The following SLX9 variants were observed in gnomAD, a reference collection of about 807,000 sequenced individuals.
SLX9 encodes SLX9 ribosome biogenesis factor.
In SLX9, 19 loss-of-function variants were observed where a neutral mutation model predicts 20.8. The ratio of observed to expected loss-of-function variants is 0.91; its 90% CI spans 0.64 to 1.34. The LOEUF (loss-of-function observed/expected upper bound fraction) is 1.34. SLX9 is among the 40% of genes most tolerant of loss of function. The pLI is 0.00. For missense variants in SLX9, 299 were observed against 322.2 expected (o/e 0.93, Z 0.55); for synonymous variants, 113 against 137.1 (o/e 0.82, Z 1.23).
Position 44,966,952 on chromosome 21 carries a change from G to A in SLX9, c.353-82G>A, listed in dbSNP as rs2085046786. On this transcript the variant is annotated intron_variant, in intron 3 of 5. Coordinates refer to ENST00000291634, the MANE Select transcript of SLX9 (RefSeq NM_058190.4). ...GGCAGCAGGGCCGGGCACCCTGCCA[G>A]GTCTCTCGTGGGCCAGAGGCTCTGG... 2.0e-6 allele frequency: 3 copies of A among 1,534,430 alleles called. No individual in the cohort carries two copies. The African/African-American group carries it at 4.1e-5, about 21-fold the overall frequency.
intron 4 of SLX9, among the ~76,000 whole-genome samples, chr21:44,968,446 G>C (rs1229711004): frequency 6.6e-6 from 1 of 152,250 alleles, no homozygotes; most frequent in Non-Finnish European, 1.5e-5. Flanking sequence ...GGAGGGCAGC[G>C]GCTGCATGAC....
At chr21:44,957,457 C>T (rs1359708598) in intron 2 of SLX9, among the ~76,000 whole-genome samples, 1 of 152,256 alleles carries the variant, frequency 6.6e-6, no homozygotes, top group Non-Finnish European at 1.5e-5. Flanking sequence ...CCTCATCCTC[C>T]TCCTCTTCAT....
chr21:44,949,992 G>A (rs757019130), intron 2 of SLX9, among the ~76,000 whole-genome samples: 11 of 152,200 alleles, frequency 7.2e-5, no homozygotes, highest in East Asian at 1.9e-4. Flanking sequence ...GGACAGTCCC[G>A]GGATAGAGAC....
At chr21:44,969,213 C>T (rs1294543727) in intron 4 of SLX9, 1 of 469,984 alleles carries the variant, frequency 2.1e-6, no homozygotes, top group Non-Finnish European at 4.4e-6. Flanking sequence ...CCAGGCAGCT[C>T]CAGGCTGGCA....
rs11539073 is a variant in SLX9 at position 44,940,074 on chromosome 21, G to A, written c.17G>A (p.Gly6Glu). MGKVRGLRARVHQAAV... is the reference protein window; with the variant it reads MGKVRELRARVHQAAV... Reference sequence around the variant, plus strand: ...GCCGGGAAGATGGGGAAAGTGAGGGGGTTGCGCGCCCGAGTGCACCAGGCT... The same window carrying A: ...GCCGGGAAGATGGGGAAAGTGAGGGAGTTGCGCGCCCGAGTGCACCAGGCT... The change falls in exon 1 of 6, where the codon GGG becomes GAG. Residue 6 changes from glycine to glutamate, a missense_variant. Gly to Glu is a moderately conservative substitution (Grantham distance 98). Coordinates refer to ENST00000291634, the MANE Select transcript of SLX9 (RefSeq NM_058190.4). The A allele has an allele frequency of 1.4e-6, 2 of 1,461,748 alleles. No homozygotes were observed. The highest frequency in any genetic ancestry group is 1.8e-6 in the Non-Finnish European group (2 of 1,106,068). 90.5% of individuals were successfully genotyped at this position (1,461,748 alleles called of 1,614,324 possible).
At chr21:44,962,428 A>G (rs992986219) in intron 3 of SLX9, among the ~76,000 whole-genome samples, 2 of 152,186 alleles carry the variant, frequency 1.3e-5, no homozygotes, top group Non-Finnish European at 1.5e-5. Context: ...ATCATGTAGG[A>G]TGCACTCTTT....
At chr21:44,962,297 C>T (rs80247880) in intron 3 of SLX9, among the ~76,000 whole-genome samples, 4,711 of 152,234 alleles carry the variant, frequency 0.031, 244 homozygotes, top group African/African-American at 0.11. Context: ...CACCATTCCC[C>T]GACAGTCACG....
intron 2 of SLX9, chr21:44,959,117 T>C: frequency 1.4e-6 from 1 of 711,538 alleles, no homozygotes; most frequent in Non-Finnish European, 1.7e-6. Flanking sequence ...GCGGGAGCCC[T>C]GGGCCTTGGA....
In SLX9 at chr21:44,976,680, C is replaced by T. The variant is rs1262255013; in HGVS notation, c.570C>T (p.Leu190=). The change falls in exon 6 of 6, where the codon CTC becomes CTT. Residue 190 remains leucine, a splice_region_variant and synonymous_variant. Transcript: ENST00000291634. ...RMSAAQRQQL[L]EEERTRFQEL... ...TGATCTGTGGTCTCCATTCTTTCAG[C>T]GAGGAAGAAAGGACCCGGTTTCAGG... is the stretch of plus-strand genomic sequence containing the variant. The T allele has an allele frequency of 3.8e-6, 6 of 1,581,246 alleles. No individual in the cohort carries two copies. Among genetic ancestry groups the T allele is most frequent in the African/African-American group, 1.3e-5 (1 of 74,434 alleles).
At chr21:44,956,134 G>A (rs1183291700) in intron 2 of SLX9, among the ~76,000 whole-genome samples, 1 of 152,214 alleles carries the variant, frequency 6.6e-6, no homozygotes, top group Admixed American at 6.5e-5. Context: ...CTGTTGATTG[G>A]TTTGAAAAAG....
At chr21:44,946,921 C>T (rs2084653670) in intron 2 of SLX9, among the ~76,000 whole-genome samples, 1 of 152,216 alleles carries the variant, frequency 6.6e-6, no homozygotes, top group South Asian at 2.1e-4. Flanking sequence ...TGGCAGGGCC[C>T]ACAGACCCTC....
At chr21:44,966,972 C>T in intron 3 of SLX9, 62 bp from the exon 4 acceptor site, 1 of 1,553,450 alleles carries the variant, frequency 6.4e-7, no homozygotes. Context: ...GGGCCAGAGG[C>T]TCTGGGCCTG....
chr21:44,976,664 G>A lies in SLX9; in HGVS notation c.570-16G>A, dbSNP rs747259362. On this transcript the variant is annotated splice_polypyrimidine_tract_variant and intron_variant, in intron 5 of 5. Coordinates refer to ENST00000291634, the MANE Select transcript of SLX9 (RefSeq NM_058190.4). ...GGGGGTTCCTGCCTGCTGATCTGTGGTCTCCATTCTTTCAGCGAGGAAGAA... is the reference window on the plus strand; with the variant it reads ...GGGGGTTCCTGCCTGCTGATCTGTGATCTCCATTCTTTCAGCGAGGAAGAA... 3 of 1,578,016 alleles carry A rather than the reference G, an allele frequency of 1.9e-6. No homozygotes were observed. Among genetic ancestry groups the A allele is most frequent in the Non-Finnish European group, 1.7e-6 (2 of 1,161,806 alleles).
intron 4 of SLX9, among the ~76,000 whole-genome samples, chr21:44,967,494 T>TG (rs1014032562): frequency 4.6e-5 from 7 of 152,154 alleles, no homozygotes; most frequent in African/African-American, 7.2e-5. Flanking sequence ...CGGGTCCCAC[T>TG]GGGGGTCCCC....
intron 1 of SLX9, among the ~76,000 whole-genome samples, chr21:44,942,046 G>T (rs1189385691): frequency 6.6e-6 from 1 of 152,202 alleles, no homozygotes; most frequent in Non-Finnish European, 1.5e-5. Flanking sequence ...GGAGAGGGGC[G>T]TGCCTTTAGT....
At chr21:44,966,995 GC>G (rs1379073078) in intron 3 of SLX9, 38 bp from the exon 4 acceptor site, 1 of 1,578,128 alleles carries the variant, frequency 6.3e-7, no homozygotes, top group African/African-American at 1.3e-5. Context: ...CTCCTCCTCT[GC>G]CTCTTGTTTG....
Position 44,943,805 on chromosome 21 carries a change from C to G in SLX9, c.251C>G (p.Ser84Trp). The change falls in exon 2 of 6, where the codon TCG becomes TGG. Residue 84 changes from serine (S) to tryptophan (W), a missense_variant. By Grantham distance (177) the Ser-to-Trp change is radical. Coordinates refer to ENST00000291634, the MANE Select transcript of SLX9 (RefSeq NM_058190.4). Reference protein sequence around the residue: ...VTSVRRGEAGSSARSVPSIRR... With the variant: ...VTSVRRGEAGWSARSVPSIRR... ...TCCGTCAGGAGAGGTGAGGCAGGCT[C>G]GAGTGCACGGAGCGTCCCTTCCATC... 1 of 1,613,056 alleles carries G rather than the reference C, an allele frequency of 6.2e-7. No homozygotes were observed. Among genetic ancestry groups the G allele is most frequent in the Non-Finnish European group, 8.5e-7 (1 of 1,179,966 alleles).
At chr21:44,959,682 C>G (rs1050684918) in intron 2 of SLX9, among the ~76,000 whole-genome samples, 1 of 152,228 alleles carries the variant, frequency 6.6e-6, no homozygotes, top group African/African-American at 2.4e-5. Context: ...CCTGACGTGA[C>G]CACACAGGAT....
chr21:44,944,771 G>A (rs377716328), intron 2 of SLX9, among the ~76,000 whole-genome samples: 12 of 152,354 alleles, frequency 7.9e-5, no homozygotes, highest in African/African-American at 2.6e-4. Flanking sequence ...CCGGGTCTGG[G>A]GCCTGTAGAT....
Sources: gnomAD v4.1 joint callset for allele counts (sites outside exome capture counted in the v4.1 genomes callset) on GRCh38, gnomAD v4.1.1 for gene constraint, MANE v1.5 for transcripts, NCBI Gene and HGNC (gene_info 2026-07-23, HGNC 2026-07-21) for gene names.